ZNF276: variants seen among roughly 807,000 people sequenced by gnomAD.
ZNF276 encodes centromere protein Z.
In ZNF276, 59 loss-of-function variants were observed where a neutral mutation model predicts 63.9. The ratio of observed to expected loss-of-function variants is 0.92; its 90% CI spans 0.75 to 1.15. The LOEUF (loss-of-function observed/expected upper bound fraction) is 1.15, where lower values mean the gene tolerates loss of function less well. Among genes scored for constraint, ZNF276 ranks in the 50% most tolerant of loss-of-function variants. ZNF276 has a pLI of 0.00. For synonymous variants in ZNF276, 496 were observed against 348.4 expected, an observed-to-expected ratio of 1.42 and a Z score of -4.72; for missense variants, 1,084 against 843.8, an observed-to-expected ratio of 1.28 and a Z score of -3.53.
intron 4 of ZNF276, among the ~76,000 whole-genome samples, chr16:89,725,699 G>A (rs1327703137): frequency 1.3e-5 from 2 of 152,090 alleles, no homozygotes; most frequent in Non-Finnish European, 2.9e-5. Flanking sequence ...GCTGAGGCAG[G>A]AGAATCGCTT....
intron 4 of ZNF276, among the ~76,000 whole-genome samples, chr16:89,726,806 C>T (rs557263891): frequency 4.0e-5 from 6 of 151,028 alleles, no homozygotes; most frequent in Admixed American, 6.6e-5. Context: ...CCACCATGCC[C>T]GGCTAATTTT....
chr16:89,726,346 A>G (rs1184191670), intron 4 of ZNF276, among the ~76,000 whole-genome samples: 1 of 151,574 alleles, frequency 6.6e-6, no homozygotes, highest in African/African-American at 2.4e-5. Flanking sequence ...ACAGGCATGC[A>G]CCACTATGCC....
rs776514530 is a variant in ZNF276, at chr16:89,722,809, G to A, written c.484G>A (p.Ala162Thr). 1.9e-6 allele frequency: 3 copies of A among 1,604,610 alleles called. No individual in the cohort carries two copies. The highest frequency in any genetic ancestry group is 2.5e-6 in the Non-Finnish European group (3 of 1,179,892). The change falls in exon 2 of 11, where the codon GCT (alanine) becomes ACT (threonine). Residue 162 changes from alanine (A) to threonine (T), a missense_variant. Transcript: ENST00000443381. ...CCTGCAGAGGGTCAACGCCTCCCCG[G>A]CTGGTCGCCGGAAGCCTTGTGCAAA... ...SFLQRVNASP[A>T]GRRKPCAKVG...
In ZNF276 at chr16:89,739,525, AC is replaced by A; in HGVS notation, c.*1280del. ...GCCTGGTGTGCTGATCCGGGGCCAC[AC>A]GGAGGAGGAGCCGCCCCAGCCTGAG... On this transcript the variant is annotated 3_prime_UTR_variant, in exon 11 of 11. Transcript: ENST00000443381. The A allele has an allele frequency of 1.3e-6, 2 of 1,551,364 alleles. No homozygotes were observed. Among genetic ancestry groups the A allele is most frequent in the Non-Finnish European group, 1.7e-6 (2 of 1,147,070 alleles).
rs1386649092 is a variant in ZNF276 at position 89,739,032 on chromosome 16, T to G, written c.*786T>G. 4 of 1,613,976 alleles carry G rather than the reference T, an allele frequency of 2.5e-6. No homozygotes were observed. The South Asian group carries it at 3.3e-5, about 13-fold the overall frequency. ...AAGACATACAGAAACAGGGCTGGTG[T>G]GTCCCCCATAGTCTGCATGCTGTGC... On this transcript the variant is annotated 3_prime_UTR_variant, in exon 11 of 11. Coordinates refer to ENST00000443381, the MANE Select transcript of ZNF276 (RefSeq NM_001113525.2).
At position 89,737,818 on chromosome 16, in the gene ZNF276, A is replaced by G. The variant is rs897527939; in HGVS notation, c.1487A>G (p.Tyr496Cys). Residue 496 changes from tyrosine to cysteine, a missense_variant, in exon 10 of 11, where the codon TAT becomes TGT. Tyr to Cys is a radical substitution (Grantham distance 194, BLOSUM62 -2). Coordinates refer to ENST00000443381, the MANE Select transcript of ZNF276 (RefSeq NM_001113525.2). ...TCTCCCCTCTCAGAGGTGCGGAACT[A>G]TATCTGTGACGAATGTGGACAAACC... ...VKLIHTEVRNYICDECGQTFK... is the reference protein window; with the variant it reads ...VKLIHTEVRNCICDECGQTFK... The G allele has an allele frequency of 2.7e-5, 44 of 1,614,024 alleles. No homozygotes were observed. The highest frequency in any genetic ancestry group is 3.4e-5 in the Non-Finnish European group (40 of 1,180,048).
At chr16:89,727,223 G>A in intron 4 of ZNF276, 56 bp from the exon 5 acceptor site, 1 of 1,557,946 alleles carries the variant, frequency 6.4e-7, no homozygotes, top group Non-Finnish European at 8.9e-7. Flanking sequence ...CTCCTTGCAG[G>A]TGAGACCTTT....
At position 89,738,347 on chromosome 16, in the gene ZNF276, T is replaced by C. The variant is rs1598047128; in HGVS notation, c.*101T>C. ...CCCGCATGGGAGGGTCGGAGGGTGC[T>C]GCCCGCCCTTGGTGCTGGAGGCGGG... is the stretch of plus-strand genomic sequence containing the variant. On this transcript the variant is annotated 3_prime_UTR_variant, in exon 11 of 11. Transcript: ENST00000443381. 6.8e-7 allele frequency: 1 copy of C among 1,478,440 alleles called. No individual in the cohort carries two copies. Among genetic ancestry groups the C allele is most frequent in the East Asian group, 2.5e-5 (1 of 40,464 alleles). 91.6% of individuals were successfully genotyped at this position (1,478,440 alleles called of 1,614,324 possible).
chr16:89,724,806 CT>C (rs1214179069), intron 4 of ZNF276, among the ~76,000 whole-genome samples: 1 of 145,926 alleles, frequency 6.9e-6, no homozygotes, highest in Non-Finnish European at 1.6e-5. Context: ...ACAATTCTAT[CT>C]ATCTGTGTAT....
At chr16:89,733,037 G>T in intron 6 of ZNF276, 1 of 440,348 alleles carries the variant, frequency 2.3e-6, no homozygotes, top group Non-Finnish European at 4.1e-6. Flanking sequence ...CCCTGACCCT[G>T]CTGTACCCTG....
chr16:89,728,697 C>T (rs770371329), intron 5 of ZNF276, among the ~76,000 whole-genome samples: 35 of 152,188 alleles, frequency 2.3e-4, no homozygotes, highest in Non-Finnish European at 3.4e-4. Flanking sequence ...CCACCGCACC[C>T]GGCCAATTTT....
rs754784917 is a variant in ZNF276, at chr16:89,722,886, A to T, written c.509+52A>T. ...TTCAGGCTGTCAGTACTGCAGTGTG[A>T]CGGGTGTTGAGAGAGGGACAGGGCG... is the stretch of plus-strand genomic sequence containing the variant. On this transcript the variant is annotated intron_variant, in intron 2 of 10. Coordinates refer to ENST00000443381, the MANE Select transcript of ZNF276 (RefSeq NM_001113525.2). The T allele has an allele frequency of 4.4e-6, 7 of 1,573,424 alleles. No individual in the cohort carries two copies. The South Asian group carries it at 4.6e-5, about 10-fold the overall frequency.
chr16:89,720,847 G>T, upstream of ZNF276: 1 of 1,420,920 alleles, frequency 7.0e-7, no homozygotes. Context: ...TGCCGTCCCC[G>T]GCCGCAGCGG....
chr16:89,726,680 T>C (rs1342504478), intron 4 of ZNF276, among the ~76,000 whole-genome samples: 2 of 151,732 alleles, frequency 1.3e-5, no homozygotes, highest in Non-Finnish European at 2.9e-5. Flanking sequence ...GGAGTCTTGC[T>C]CTTTTGCCCA....
intron 2 of ZNF276, 26 bp downstream of exon 2, chr16:89,722,860 G>C (rs923572049): frequency 3.8e-6 from 6 of 1,590,936 alleles, no homozygotes; most frequent in Non-Finnish European, 4.3e-6. Context: ...TTCAGAGCAC[G>C]TTCAGGCTGT....
intron 5 of ZNF276, among the ~76,000 whole-genome samples, chr16:89,728,624 G>T (rs575310374): frequency 1.3e-5 from 2 of 151,926 alleles, no homozygotes; most frequent in African/African-American, 4.8e-5. Flanking sequence ...GGATGGTCTT[G>T]ATCTCCTGAC....
chr16:89,738,975 C>A lies in ZNF276; in HGVS notation c.*729C>A. On this transcript the variant is annotated 3_prime_UTR_variant, in exon 11 of 11. Coordinates refer to ENST00000443381, the MANE Select transcript of ZNF276 (RefSeq NM_001113525.2). ...TTGTTATCAGTTCCACGGGGTTGCC[C>A]TAGAGAGAAAACAGGCAAACTCACA... 6.2e-7 allele frequency: 1 copy of A among 1,614,146 alleles called. No individual in the cohort carries two copies. The highest frequency in any genetic ancestry group is 1.1e-5 in the South Asian group (1 of 91,068).
chr16:89,740,766 G>C lies in ZNF276; in HGVS notation c.*2520G>C. The C allele has an allele frequency of 2.5e-6, 4 of 1,595,686 alleles. No homozygotes were observed. Among genetic ancestry groups the C allele is most frequent in the Non-Finnish European group, 3.4e-6 (4 of 1,165,046 alleles). ...GCCTGGTGCCCCTGCCTGGCCCACA[G>C]TGGGAGAGGACACCTTGGCTGGTAA... On this transcript the variant is annotated 3_prime_UTR_variant, in exon 11 of 11. Transcript: ENST00000443381.
intron 2 of ZNF276, 104 bp from the exon 3 acceptor site, chr16:89,723,033 C>T (rs1318865543): frequency 3.7e-6 from 6 of 1,606,322 alleles, no homozygotes; most frequent in African/African-American, 2.7e-5. Context: ...AGAAAGTTGC[C>T]TATGGGGACC....
Sources: allele counts gnomAD v4.1 joint callset (sites outside exome capture counted in the v4.1 genomes callset), GRCh38; gene constraint gnomAD v4.1.1; transcripts MANE v1.5; gene names NCBI Gene and HGNC (gene_info 2026-07-23, HGNC 2026-07-21).